PTPRT: variants seen among roughly 807,000 people sequenced by gnomAD.
The protein encoded by PTPRT is protein tyrosine phosphatase receptor type T.
A neutral mutation model predicts 176.8 loss-of-function variants in PTPRT; 56 were observed. The ratio of observed to expected loss-of-function variants is 0.32; its 90% CI spans 0.26 to 0.40. PTPRT has a LOEUF of 0.40. PTPRT is among the 10% of genes least tolerant of loss of function. The pLI is 1.00. For synonymous variants in PTPRT, 783 were observed against 739.0 expected (o/e 1.06, Z -0.96); for missense variants, 1,540 against 1,908.2 (o/e 0.81, Z 3.60).
At chr20:42,058,871 C>T in the PTPRT span, among the ~76,000 whole-genome samples, 24,605 of 152,026 alleles carry the variant, frequency 0.16, 2,381 homozygotes, top group Middle Eastern at 0.31. Context: ...TTTCTCAGCC[C>T]CAAAAGCTCA....
chr20:42,825,161 C>T (rs2145671013), intron 2 of PTPRT, among the ~76,000 whole-genome samples: 1 of 152,168 alleles, frequency 6.6e-6, no homozygotes. Flanking sequence ...ATACGTATCA[C>T]ATTATCAAGT....
At chr20:42,540,598 C>G (rs2072562200) in intron 7 of PTPRT, among the ~76,000 whole-genome samples, 1 of 152,116 alleles carries the variant, frequency 6.6e-6, no homozygotes, top group Admixed American at 6.6e-5. Context: ...GAAAAAATAA[C>G]TGAAGCATCT....
chr20:42,737,447 A>ATGGCT (rs2076556479), intron 6 of PTPRT, among the ~76,000 whole-genome samples: 1 of 152,164 alleles, frequency 6.6e-6, no homozygotes, highest in Non-Finnish European at 1.5e-5. Flanking sequence ...CCTGGTCAAC[A>ATGGCT]TGGCTAAACC....
At chr20:42,302,842 G>A (rs958237369) in intron 12 of PTPRT, among the ~76,000 whole-genome samples, 1 of 152,186 alleles carries the variant, frequency 6.6e-6, no homozygotes, top group Non-Finnish European at 1.5e-5. Context: ...CAAATGGGGT[G>A]TGGGAGACTG....
intron 1 of PTPRT, among the ~76,000 whole-genome samples, chr20:42,887,616 T>C (rs1396393079): frequency 2.0e-5 from 3 of 152,222 alleles, no homozygotes; most frequent in Non-Finnish European, 4.4e-5. Flanking sequence ...ATTCTTTCTC[T>C]GCACCCCAGA....
At chr20:42,498,493 A>G (rs2071693187) in intron 7 of PTPRT, among the ~76,000 whole-genome samples, 2 of 152,172 alleles carry the variant, frequency 1.3e-5, no homozygotes, top group African/African-American at 2.4e-5. Flanking sequence ...AAAGGAAATC[A>G]AAGTATTTTG....
intron 7 of PTPRT, among the ~76,000 whole-genome samples, chr20:42,673,349 C>T (rs1381760281): frequency 3.9e-5 from 6 of 152,196 alleles, no homozygotes; most frequent in Admixed American, 6.5e-5. Flanking sequence ...TGACATCACT[C>T]AGTGGAATCC....
chr20:43,169,692 A>G (rs2014947506), intron 1 of PTPRT, among the ~76,000 whole-genome samples: 1 of 152,216 alleles, frequency 6.6e-6, no homozygotes, highest in African/African-American at 2.4e-5. Flanking sequence ...AAGAACCACT[A>G]CCGTAAACCA....
intron 4 of PTPRT, among the ~76,000 whole-genome samples, chr20:42,775,092 T>C (rs1036567446): frequency 3.0e-4 from 45 of 152,158 alleles, no homozygotes; most frequent in African/African-American, 1.1e-3. Context: ...CGGCTCGTGG[T>C]TCTAAGCATT....
rs113359794 is a variant in PTPRT, at chr20:42,649,691, A to C, written c.1153+28175T>G. On this transcript the variant is annotated intron_variant, in intron 7 of 30. Transcript: ENST00000373187. Reference sequence around the variant, plus strand: ...TGGGAAGGTCCTGAAAGAGCCCCTAAGTTATGCTTGATTTACTGCAAAAAG... The same window carrying C: ...TGGGAAGGTCCTGAAAGAGCCCCTACGTTATGCTTGATTTACTGCAAAAAG... Among the ~76,000 whole-genome samples the C allele has an allele frequency of 2.6e-3, 397 of 152,288 alleles. 5 individuals carry two copies. The highest frequency in any genetic ancestry group is 9.2e-3 in the African/African-American group (381 of 41,526).
rs71193679 is a variant in PTPRT, at chr20:43,180,341, A to ATCTC, written c.88+9301_88+9304dup. ...GCCAATTCCTATAAGAAATGAATCA[A>ATCTC]TCTCTCTCTCTCTCTCTCTCTCTCT... On this transcript the variant is annotated intron_variant, in intron 1 of 30. Coordinates refer to ENST00000373187, the MANE Select transcript of PTPRT (RefSeq NM_007050.6). 8.6e-3 allele frequency among the ~76,000 whole-genome samples: 994 copies of ATCTC among 115,042 alleles called. 23 individuals carry two copies. The highest frequency in any genetic ancestry group is 0.03 in the African/African-American group (864 of 29,114). The allele number at this position is 115,042 out of a possible 152,430, so 75.5% of individuals were successfully genotyped here.
At chr20:42,341,823 A>C (rs2058115338) in intron 11 of PTPRT, among the ~76,000 whole-genome samples, 2 of 152,120 alleles carry the variant, frequency 1.3e-5, no homozygotes, top group Admixed American at 6.5e-5. Context: ...GATGGCAGAC[A>C]GTCCAAAATA....
chr20:42,686,636 G>C (rs1445760435), intron 6 of PTPRT, among the ~76,000 whole-genome samples: 1 of 151,642 alleles, frequency 6.6e-6, no homozygotes, highest in Non-Finnish European at 1.5e-5. Context: ...GGTGCTACAG[G>C]CATGCGCCAC....
chr20:42,547,076 A>G (rs2072689094), intron 7 of PTPRT, among the ~76,000 whole-genome samples: 1 of 152,178 alleles, frequency 6.6e-6, no homozygotes, highest in African/African-American at 2.4e-5. Flanking sequence ...ATTTGTAAAA[A>G]CATACAATAT....
rs1339505670 is a variant in PTPRT, at chr20:43,189,050, A to G, written c.88+596T>C. On this transcript the variant is annotated intron_variant, in intron 1 of 30. Coordinates refer to ENST00000373187, the MANE Select transcript of PTPRT (RefSeq NM_007050.6). The surrounding 1 kb of genome is among the most constrained non-coding windows in gnomAD (Gnocchi z 5.0). The stretch of plus-strand genomic sequence containing the variant: ...CTACCTCGGAGAAAAGCCAGCGGGT[A>G]GGGCGGAGGTATTGCTCTCGGTCAT... 1.1e-4 allele frequency among the ~76,000 whole-genome samples: 16 copies of G among 152,196 alleles called. 1 individual carries two copies. The highest frequency in any genetic ancestry group is 7.8e-4 in the Admixed American group (12 of 15,288).
chr20:42,934,261 T>C (rs1980039549), intron 1 of PTPRT, among the ~76,000 whole-genome samples: 1 of 152,184 alleles, frequency 6.6e-6, no homozygotes, highest in Non-Finnish European at 1.5e-5. Context: ...AGAAGGAATA[T>C]GTGAATGTGT....
chr20:42,723,408 C>T (rs573373005), intron 6 of PTPRT, among the ~76,000 whole-genome samples: 37 of 152,256 alleles, frequency 2.4e-4, no homozygotes, highest in Admixed American at 1.2e-3. Flanking sequence ...CCTCCCAGGG[C>T]GGCCTTCCCG....
chr20:42,664,269 A>C (rs2075275635), intron 7 of PTPRT, among the ~76,000 whole-genome samples: 1 of 152,138 alleles, frequency 6.6e-6, no homozygotes. Flanking sequence ...TTATGTGTAA[A>C]GATATTTTAT....
chr20:42,951,218 G>A (rs905203851), intron 1 of PTPRT, among the ~76,000 whole-genome samples: 1 of 152,022 alleles, frequency 6.6e-6, no homozygotes, highest in Non-Finnish European at 1.5e-5. Context: ...TAGATGGATG[G>A]GTGGGTATAT....
Sources: allele counts gnomAD v4.1 joint callset (sites outside exome capture counted in the v4.1 genomes callset), GRCh38; gene constraint gnomAD v4.1.1; non-coding constraint Gnocchi (gnomAD v3.1); transcripts MANE v1.5; gene names NCBI Gene and HGNC (gene_info 2026-07-23, HGNC 2026-07-21).